Variants in HDAC9 observed in about 807,000 individuals in gnomAD.
The protein encoded by HDAC9 is MEF-2 interacting transcription repressor (MITR) protein.
Under a neutral mutation model 139.4 loss-of-function variants are expected in HDAC9, and 41 were observed. The ratio of observed to expected loss-of-function variants is 0.29; its 90% CI spans 0.23 to 0.38. HDAC9 has a LOEUF of 0.38. Among genes scored for constraint, HDAC9 ranks in the 10% least tolerant of loss-of-function variants. HDAC9 has a pLI of 1.00. For synonymous variants in HDAC9, 517 were observed against 476.2 expected, an observed-to-expected ratio of 1.09 and a Z score of -1.12; for missense variants, 1,147 against 1,297.0, an observed-to-expected ratio of 0.88 and a Z score of 1.78.
intron 1 of HDAC9, among the ~76,000 whole-genome samples, chr7:18,366,310 A>G (rs1233198885): frequency 2.6e-5 from 4 of 152,106 alleles, no homozygotes; most frequent in African/African-American, 9.7e-5. Flanking sequence ...ATTACTTGGC[A>G]GTATTCTGTG....
chr7:18,287,217 C>T (rs537404167), upstream of HDAC9, among the ~76,000 whole-genome samples: 22 of 151,498 alleles, frequency 1.5e-4, no homozygotes, highest in South Asian at 4.2e-4. Context: ...TTTTTTTTTA[C>T]TGCAAAGCCT....
chr7:18,634,776 C>A, intron 8 of HDAC9, 34 bp downstream of exon 8: 2 of 1,323,906 alleles, frequency 1.5e-6, no homozygotes, highest in South Asian at 1.3e-5. Context: ...CTTTTAAAAA[C>A]TGAATTTCTG....
chr7:18,136,531 A>G (rs1159969214), intron 1 of HDAC9, among the ~76,000 whole-genome samples: 4 of 152,048 alleles, frequency 2.6e-5, no homozygotes, highest in African/African-American at 4.8e-5. Flanking sequence ...TGGCTAGCCA[A>G]TTTTCCCAAC....
At chr7:18,431,823 T>C (rs1303605235) in intron 1 of HDAC9, among the ~76,000 whole-genome samples, 1 of 152,230 alleles carries the variant, frequency 6.6e-6, no homozygotes, top group Non-Finnish European at 1.5e-5. Context: ...TTTTTGTCTA[T>C]TGTAAGAAAA....
intron 2 of HDAC9, among the ~76,000 whole-genome samples, chr7:18,550,675 C>G (rs76689060): frequency 1.3e-5 from 2 of 152,028 alleles, no homozygotes; most frequent in Non-Finnish European, 2.9e-5. Flanking sequence ...TTGATCTGAG[C>G]GATGCATTTT....
intron 2 of HDAC9, among the ~76,000 whole-genome samples, chr7:18,170,217 T>C (rs1295600136): frequency 6.6e-6 from 1 of 152,228 alleles, no homozygotes; most frequent in Non-Finnish European, 1.5e-5. Context: ...CCAGTGATGA[T>C]GAGCATTTTT....
At chr7:18,468,456 G>T (rs893612806) in intron 1 of HDAC9, among the ~76,000 whole-genome samples, 13 of 151,650 alleles carry the variant, frequency 8.6e-5, no homozygotes, top group African/African-American at 2.9e-4. Context: ...TAAGAGAGGG[G>T]TCCTGCTGTG....
At chr7:18,132,383 A>T (rs767908004) in intron 1 of HDAC9, among the ~76,000 whole-genome samples, 4 of 152,140 alleles carry the variant, frequency 2.6e-5, no homozygotes, top group Non-Finnish European at 5.9e-5. Flanking sequence ...TTGTGATTGA[A>T]GTCTTTTTTT....
At chr7:18,710,560 G>T (rs1012860494) in intron 12 of HDAC9, among the ~76,000 whole-genome samples, 10 of 151,760 alleles carry the variant, frequency 6.6e-5, no homozygotes, top group Non-Finnish European at 1.3e-4. Flanking sequence ...AAAATTTCAC[G>T]CATAATCAAA....
chr7:18,824,800 C>T (rs919465431), intron 17 of HDAC9, among the ~76,000 whole-genome samples: 2 of 152,110 alleles, frequency 1.3e-5, no homozygotes, highest in African/African-American at 4.8e-5. Flanking sequence ...GTTTCTTATC[C>T]ACTGTGTGGA....
At chr7:18,789,286 G>GCACGCACACA (rs1554356297) in intron 16 of HDAC9, among the ~76,000 whole-genome samples, 7 of 148,396 alleles carry the variant, frequency 4.7e-5, no homozygotes, top group Admixed American at 2.7e-4. Context: ...ACACATACAC[G>GCACGCACACA]CACACACACA....
chr7:18,383,407 C>T (rs750112071), intron 1 of HDAC9, among the ~76,000 whole-genome samples: 5 of 151,980 alleles, frequency 3.3e-5, no homozygotes, highest in African/African-American at 1.2e-4. Context: ...AAAGTTGGCA[C>T]GTGGATTAAA....
intron 1 of HDAC9, among the ~76,000 whole-genome samples, chr7:18,391,626 T>C (rs893959477): frequency 1.3e-5 from 2 of 152,192 alleles, no homozygotes; most frequent in Non-Finnish European, 2.9e-5. Flanking sequence ...GAAGACACAC[T>C]TAGAAATAAT....
rs529170593 is a variant in HDAC9, at chr7:18,421,697, G to A, written c.-41-74565G>A. ...GCCCTCTTGGTAGCTCAGTGTCACGGATGAGTGAGTTTACCTCACAAGTAA... is the reference window on the plus strand; with the variant it reads ...GCCCTCTTGGTAGCTCAGTGTCACGAATGAGTGAGTTTACCTCACAAGTAA... On this transcript the variant is annotated intron_variant, in intron 1 of 3. Transcript: ENST00000413509. 2.0e-5 allele frequency among the ~76,000 whole-genome samples: 3 copies of A among 152,236 alleles called. No individual in the cohort carries two copies. The East Asian group carries it at 5.8e-4, about 29-fold the overall frequency.
chr7:18,198,184 G>A (rs886244018), intron 2 of HDAC9, among the ~76,000 whole-genome samples: 1 of 151,886 alleles, frequency 6.6e-6, no homozygotes, highest in Non-Finnish European at 1.5e-5. Context: ...ATATAATCTT[G>A]TCTAGAAGCA....
At chr7:18,164,348 G>T (rs777035533) in intron 2 of HDAC9, among the ~76,000 whole-genome samples, 23 of 152,222 alleles carry the variant, frequency 1.5e-4, no homozygotes, top group Admixed American at 3.3e-4. Context: ...TTAGGGTGCC[G>T]TATATATTCT....
chr7:18,936,022 T>A, intron 23 of HDAC9, 80 bp downstream of exon 23: 1 of 1,371,160 alleles, frequency 7.3e-7, no homozygotes, highest in Non-Finnish European at 1.0e-6. Context: ...AAAAAAAAAT[T>A]CTGCATACTC....
At chr7:18,814,553 T>C (rs1402790316) in intron 17 of HDAC9, among the ~76,000 whole-genome samples, 3 of 152,176 alleles carry the variant, frequency 2.0e-5, no homozygotes, top group Non-Finnish European at 4.4e-5. Context: ...TCTGTAATTT[T>C]ATATGGCAGC....
At chr7:18,566,155 A>G (rs1822267723) in intron 2 of HDAC9, among the ~76,000 whole-genome samples, 1 of 152,236 alleles carries the variant, frequency 6.6e-6, no homozygotes, top group African/African-American at 2.4e-5. Context: ...TCATTGAGAG[A>G]GAAAATGGAA....
Sources: gnomAD v4.1 joint callset for allele counts (sites outside exome capture counted in the v4.1 genomes callset) on GRCh38, gnomAD v4.1.1 for gene constraint, MANE v1.5 for transcripts, NCBI Gene and HGNC (gene_info 2026-07-23, HGNC 2026-07-21) for gene names.